The following EXT1 variants were observed in gnomAD, a reference collection of about 807,000 sequenced individuals.
EXT1 encodes the protein exostosin-1.
Under a neutral mutation model 82.5 loss-of-function variants are expected in EXT1, and 20 were observed. The observed-to-expected ratio is 0.24, with a 90% CI of 0.17 to 0.35. The LOEUF is 0.35. Among genes scored for constraint, EXT1 ranks in the 10% least tolerant of loss-of-function variants. The probability of loss-of-function intolerance (pLI) is 1.00; values close to 1 mark genes in which losing one functional copy is unlikely to be tolerated. For synonymous variants in EXT1, 348 were observed against 350.8 expected, an observed-to-expected ratio of 0.99 and a Z score of 0.09; for missense variants, 757 against 936.5, an observed-to-expected ratio of 0.81 and a Z score of 2.50.
chr8:117,837,279 T>TAGGTGGGTGCATGACCATAGGTGG (rs1332226994), intron 1 of EXT1, 78 bp from the exon 2 acceptor site: 37 of 1,200,854 alleles, frequency 3.1e-5, no homozygotes, highest in Admixed American at 6.8e-5. Context: ...TGGGCGCCCA[T>TAGGTGGGTGCATGACCATAGGTGG]GTGCATGAAT....
intron 1 of EXT1, among the ~76,000 whole-genome samples, chr8:117,942,583 C>A (rs1474710846): frequency 6.6e-6 from 1 of 151,720 alleles, no homozygotes. Context: ...TGGTGGTGCA[C>A]GCCTGTAATC....
intron 1 of EXT1, among the ~76,000 whole-genome samples, chr8:118,090,842 T>A (rs2468151): frequency 6.9e-6 from 1 of 144,140 alleles, no homozygotes. Flanking sequence ...CACAGAATTA[T>A]ATCCTTGTGA....
chr8:118,015,371 G>T (rs1815982033), intron 1 of EXT1, among the ~76,000 whole-genome samples: 1 of 152,102 alleles, frequency 6.6e-6, no homozygotes, highest in Non-Finnish European at 1.5e-5. Flanking sequence ...AAATGAACAT[G>T]AAGACCATGA....
At chr8:117,916,377 C>A (rs1813749291) in intron 1 of EXT1, among the ~76,000 whole-genome samples, 1 of 152,216 alleles carries the variant, frequency 6.6e-6, no homozygotes, top group African/African-American at 2.4e-5. Flanking sequence ...AGCGCAGACA[C>A]ACACAGGTGT....
At chr8:118,019,784 T>A (rs1327391845) in intron 1 of EXT1, among the ~76,000 whole-genome samples, 1 of 152,242 alleles carries the variant, frequency 6.6e-6, no homozygotes, top group East Asian at 1.9e-4. Context: ...TAAATAACTC[T>A]GACCAAAGTT....
intron 1 of EXT1, among the ~76,000 whole-genome samples, chr8:118,037,198 T>C (rs1331593309): frequency 6.6e-6 from 1 of 152,142 alleles, no homozygotes; most frequent in East Asian, 1.9e-4. Flanking sequence ...CTAAGTAAAA[T>C]GTCTGTGGGA....
chr8:117,835,202 A>G (rs1310113227), intron 3 of EXT1, among the ~76,000 whole-genome samples: 1 of 152,192 alleles, frequency 6.6e-6, no homozygotes, highest in Non-Finnish European at 1.5e-5. Flanking sequence ...CTTCTTGAAA[A>G]TCAAAGCTCC....
chr8:117,830,139 C>A, intron 4 of EXT1, 91 bp downstream of exon 4: 1 of 1,558,742 alleles, frequency 6.4e-7, no homozygotes, highest in Non-Finnish European at 8.8e-7. Context: ...CCCACTGGAC[C>A]AATCACACAT....
At chr8:117,968,052 T>A (rs1814858649) in intron 1 of EXT1, among the ~76,000 whole-genome samples, 1 of 152,242 alleles carries the variant, frequency 6.6e-6, no homozygotes, top group African/African-American at 2.4e-5. Context: ...ACTATCTACA[T>A]ATACATGTAT....
In EXT1 at chr8:117,862,125, G is replaced by T. The variant is rs1211000126; in HGVS notation, c.963-24924C>A. 1.4e-5 allele frequency among the ~76,000 whole-genome samples: 2 copies of T among 146,018 alleles called. 1 individual carries two copies. The highest frequency in any genetic ancestry group is 3.1e-5 in the Non-Finnish European group (2 of 64,944). Reference sequence around the variant, plus strand: ...CACTTCATGGTTAATTTTGTTGCCAGCAGGATAATAAAGTGTGATACAAAC... The same window carrying T: ...CACTTCATGGTTAATTTTGTTGCCATCAGGATAATAAAGTGTGATACAAAC... On this transcript the variant is annotated intron_variant, in intron 1 of 10. Coordinates refer to ENST00000378204, the MANE Select transcript of EXT1 (RefSeq NM_000127.3).
At position 117,799,890 on chromosome 8, in the gene EXT1, C is replaced by T. The variant is rs1823139539; in HGVS notation, c.2063G>A (p.Arg688Gln). 4 of 1,613,826 alleles carry T rather than the reference C, an allele frequency of 2.5e-6. No homozygotes were observed. The highest frequency in any genetic ancestry group is 2.2e-5 in the East Asian group (1 of 44,874). The change falls in exon 11 of 11, where the codon CGG becomes CAG. Residue 688 changes from arginine to glutamine, a missense_variant. Around this residue, in one of 4 missense-constraint regions of EXT1, gnomAD observed 128 missense variants for 223.2 expected, o/e 0.57. Coordinates refer to ENST00000378204, the MANE Select transcript of EXT1 (RefSeq NM_000127.3). ...GTCAGGGTCAGCCCAACGGGAAGCCCGAGAAGTCTAGGGAGAAGGAGAGAA... is the reference window on the plus strand; with the variant it reads ...GTCAGGGTCAGCCCAACGGGAAGCCTGAGAAGTCTAGGGAGAAGGAGAGAA... ...YKETMMGQTS[R>Q]ASRWADPDHF... is the part of the protein sequence containing the mutation.
intron 1 of EXT1, among the ~76,000 whole-genome samples, chr8:117,921,176 T>C (rs1813847865): frequency 6.6e-6 from 1 of 152,164 alleles, no homozygotes; most frequent in African/African-American, 2.4e-5. Context: ...AAGCCTCGCC[T>C]GCAACTCCTC....
intron 1 of EXT1, among the ~76,000 whole-genome samples, chr8:117,965,110 G>C (rs1382506262): frequency 2.6e-5 from 4 of 151,722 alleles, no homozygotes; most frequent in Admixed American, 2.0e-4. Context: ...TGTTGGGCTT[G>C]AGATACGTAG....
At chr8:117,935,321 CTTTT>C (rs3049789) in intron 1 of EXT1, among the ~76,000 whole-genome samples, 10 of 123,988 alleles carry the variant, frequency 8.1e-5, no homozygotes, top group Admixed American at 8.5e-5. Flanking sequence ...TTATCTATCA[CTTTT>C]TTTTTTTTTT....
chr8:117,875,276 C>T (rs1441813207), intron 1 of EXT1, among the ~76,000 whole-genome samples: 1 of 152,082 alleles, frequency 6.6e-6, no homozygotes, highest in African/African-American at 2.4e-5. Context: ...AAAAAATTAG[C>T]CAGGCATGGT....
intron 1 of EXT1, among the ~76,000 whole-genome samples, chr8:117,902,342 ATT>A (rs1813464986): frequency 6.6e-6 from 1 of 152,240 alleles, no homozygotes. Flanking sequence ...TAACATGGTC[ATT>A]TATTGTCATT....
At chr8:118,094,925 C>T (rs896480992) in intron 1 of EXT1, among the ~76,000 whole-genome samples, 26 of 152,220 alleles carry the variant, frequency 1.7e-4, no homozygotes. Flanking sequence ...AATCTTATTG[C>T]TCTTCTCTCC....
At chr8:117,820,524 A>G (rs566594929) in intron 5 of EXT1, among the ~76,000 whole-genome samples, 1 of 152,102 alleles carries the variant, frequency 6.6e-6, no homozygotes, top group East Asian at 1.9e-4. Flanking sequence ...TTCCGTCACT[A>G]CTAAAAATAC....
At chr8:118,095,346 T>C (rs73312327) in intron 1 of EXT1, among the ~76,000 whole-genome samples, 2 of 152,346 alleles carry the variant, frequency 1.3e-5, no homozygotes, top group African/African-American at 4.8e-5. Flanking sequence ...TAACTTATCA[T>C]AAAATACTGT....
Sources: allele counts gnomAD v4.1 joint callset (sites outside exome capture counted in the v4.1 genomes callset), GRCh38; gene constraint gnomAD v4.1.1; regional missense constraint gnomAD v4.1.1; transcripts MANE v1.5; gene names NCBI Gene and HGNC (gene_info 2026-07-23, HGNC 2026-07-21).